CELF2: variants seen among roughly 807,000 people sequenced by gnomAD.
The protein encoded by CELF2 is CUG triplet repeat RNA-binding protein 2.
In CELF2, 8 loss-of-function variants were observed where a neutral mutation model predicts 62.6. The observed-to-expected ratio is 0.13, with a 90% CI of 0.07 to 0.23. The LOEUF is 0.23. CELF2 is among the 10% of genes least tolerant of loss of function. The pLI is 1.00. For synonymous variants in CELF2, 258 were observed against 250.0 expected (o/e 1.03, Z -0.30); for missense variants, 333 against 671.0 (o/e 0.50, Z 5.56).
chr10:11,229,814 T>C (rs1334077569), intron 3 of CELF2, among the ~76,000 whole-genome samples: 3 of 152,128 alleles, frequency 2.0e-5, no homozygotes, highest in Admixed American at 1.3e-4. Flanking sequence ...AGTCTTGAAC[T>C]CCTAACCTCA....
At chr10:10,693,780 T>C in the CELF2 span, among the ~76,000 whole-genome samples, 3 of 151,538 alleles carry the variant, frequency 2.0e-5, no homozygotes, top group South Asian at 6.3e-4. Context: ...TTCTTCTAGA[T>C]TTTCTGGTTT....
the CELF2 span, among the ~76,000 whole-genome samples, chr10:10,479,621 G>A: frequency 6.6e-6 from 1 of 152,128 alleles, no homozygotes; most frequent in East Asian, 1.9e-4. Flanking sequence ...CTAAGGTAGG[G>A]TCTGATTGAA....
At chr10:10,862,989 G>A (rs947397174) in intron 1 of CELF2, among the ~76,000 whole-genome samples, 48 of 152,296 alleles carry the variant, frequency 3.2e-4, no homozygotes, top group Non-Finnish European at 5.0e-4. Context: ...CAGAGGGTGG[G>A]ATGTGTCATC....
chr10:10,831,692 C>T lies in CELF2; in HGVS notation c.53+32875C>T, dbSNP rs182724031. Reference sequence around the variant, plus strand: ...GCATTTAAATAAATATTTGCTATGGCTGGGCAAGGTGGCTCATGCCTATAA... The same window carrying T: ...GCATTTAAATAAATATTTGCTATGGTTGGGCAAGGTGGCTCATGCCTATAA... On this transcript the variant is annotated intron_variant, in intron 1 of 13. Coordinates refer to the CELF2 transcript ENST00000636488. Among the ~76,000 whole-genome samples, 88 of 152,346 alleles carry T rather than the reference C, an allele frequency of 5.8e-4. No homozygotes were observed. The East Asian group carries it at 0.015, about 27-fold the overall frequency.
chr10:10,763,280 C>T, the CELF2 span, among the ~76,000 whole-genome samples: 6 of 152,320 alleles, frequency 3.9e-5, no homozygotes, highest in East Asian at 5.8e-4. Flanking sequence ...CAACATTTGG[C>T]GGAAGCTTTT....
At chr10:10,899,614 G>T (rs77184443) in intron 1 of CELF2, among the ~76,000 whole-genome samples, 3 of 152,040 alleles carry the variant, frequency 2.0e-5, no homozygotes, top group African/African-American at 7.2e-5. Context: ...GTCCGTTCTC[G>T]CACTGCTATA....
rs1349135967 is a variant in CELF2 at position 11,329,076 on chromosome 10, C to T, written c.*23C>T. The T allele has an allele frequency of 6.3e-7, 1 of 1,598,730 alleles. No individual in the cohort carries two copies. Among genetic ancestry groups the T allele is most frequent in the Non-Finnish European group, 8.6e-7 (1 of 1,168,834 alleles). On this transcript the variant is annotated 3_prime_UTR_variant, in exon 13 of 13. Transcript: ENST00000633077. The surrounding 1 kb of genome is among the most constrained non-coding windows in gnomAD (Gnocchi z 5.5). Reference sequence around the variant, plus strand: ...TGATCCTAACCCCAGAGGCTCCCTGCTCTCATTTTAGCTTTCTTAGGGTAA... The same window carrying T: ...TGATCCTAACCCCAGAGGCTCCCTGTTCTCATTTTAGCTTTCTTAGGGTAA...
chr10:10,614,226 C>T, the CELF2 span, among the ~76,000 whole-genome samples: 9 of 151,972 alleles, frequency 5.9e-5, no homozygotes, highest in African/African-American at 2.2e-4. Context: ...CCCCCATTTT[C>T]CCTTTGGTAA....
chr10:11,130,750 G>T (rs2059498755), intron 1 of CELF2, among the ~76,000 whole-genome samples: 1 of 152,204 alleles, frequency 6.6e-6, no homozygotes, highest in Admixed American at 6.5e-5. Flanking sequence ...TTGGGTAAGT[G>T]AAGATTATTG....
intron 1 of CELF2, among the ~76,000 whole-genome samples, chr10:11,029,501 A>G (rs1054741147): frequency 1.3e-4 from 20 of 152,220 alleles, no homozygotes; most frequent in African/African-American, 2.4e-4. Context: ...TTTGGCACCT[A>G]CTGTAGCTGA....
intron 2 of CELF2, among the ~76,000 whole-genome samples, chr10:10,985,312 C>G (rs2052612157): frequency 6.7e-6 from 1 of 150,284 alleles, no homozygotes; most frequent in African/African-American, 2.5e-5. Context: ...CTTTAACACC[C>G]ATTAATAGCT....
the CELF2 span, among the ~76,000 whole-genome samples, chr10:10,668,618 T>A: frequency 1.2e-4 from 19 of 152,336 alleles, no homozygotes; most frequent in South Asian, 1.9e-3. Context: ...ATTTCTTGTT[T>A]TGTTATTCTT....
the CELF2 span, among the ~76,000 whole-genome samples, chr10:10,659,345 T>C: frequency 6.6e-6 from 1 of 152,232 alleles, no homozygotes; most frequent in Admixed American, 6.5e-5. Flanking sequence ...TGTTATCAAG[T>C]CTAAAATGCC....
At chr10:11,245,021 A>G (rs1489082805) in intron 3 of CELF2, among the ~76,000 whole-genome samples, 1 of 152,168 alleles carries the variant, frequency 6.6e-6, no homozygotes, top group African/African-American at 2.4e-5. Context: ...CTCCATCACA[A>G]TGAGAACCCC....
chr10:11,295,245 A>T (rs934208355), intron 9 of CELF2, among the ~76,000 whole-genome samples: 1 of 152,124 alleles, frequency 6.6e-6, no homozygotes, highest in East Asian at 1.9e-4. Context: ...TGTATCAAGC[A>T]TCTGTGTGCC....
intron 2 of CELF2, among the ~76,000 whole-genome samples, chr10:10,927,955 A>G (rs912877238): frequency 6.6e-6 from 1 of 152,092 alleles, no homozygotes; most frequent in Non-Finnish European, 1.5e-5. Flanking sequence ...AATCAATGCA[A>G]TGCACTTTGG....
intron 1 of CELF2, among the ~76,000 whole-genome samples, chr10:10,907,057 A>G (rs1411679093): frequency 2.0e-5 from 3 of 152,140 alleles, no homozygotes; most frequent in African/African-American, 4.8e-5. Context: ...CTGGATCAAG[A>G]AAACATACTC....
chr10:11,164,656 G>A (rs916197202), intron 1 of CELF2, among the ~76,000 whole-genome samples: 2 of 148,252 alleles, frequency 1.3e-5, no homozygotes, highest in African/African-American at 2.5e-5. Context: ...TCAACTTTCT[G>A]GGGCTGCTTT....
upstream of CELF2, among the ~76,000 whole-genome samples, chr10:11,014,431 G>A (rs1422512697): frequency 6.6e-6 from 1 of 152,216 alleles, no homozygotes; most frequent in Non-Finnish European, 1.5e-5. Context: ...ATAAACATGG[G>A]TCACGATATA....
Sources: allele counts gnomAD v4.1 joint callset (sites outside exome capture counted in the v4.1 genomes callset), GRCh38; gene constraint gnomAD v4.1.1; non-coding constraint Gnocchi (gnomAD v3.1); transcripts MANE v1.5; gene names NCBI Gene and HGNC (gene_info 2026-07-23, HGNC 2026-07-21).